The following SPATA31H1 variants were observed in gnomAD, a reference collection of about 807,000 sequenced individuals.
SPATA31H1 encodes SPATA31 subfamily H member 1, also known as spermatogenesis-associated protein 31H1.
the SPATA31H1 span, chr2:27,567,036 G>C: frequency 1.4e-6 from 1 of 717,390 alleles, no homozygotes; most frequent in Non-Finnish European, 2.6e-6. Context: ...TCAGCTCTCA[G>C]AGCCCCAGAA....
the SPATA31H1 span, among the ~76,000 whole-genome samples, chr2:27,540,504 G>A: frequency 7.7e-6 from 1 of 129,624 alleles, no homozygotes; most frequent in Non-Finnish European, 1.7e-5. Flanking sequence ...CCCGGACGGG[G>A]CGGCTGGCCG....
chr2:27,543,395 T>C, the SPATA31H1 span, among the ~76,000 whole-genome samples: 1 of 152,052 alleles, frequency 6.6e-6, no homozygotes, highest in Non-Finnish European at 1.5e-5. Flanking sequence ...AAATGTCTAC[T>C]TTTTCTTCTG....
At chr2:27,542,834 T>G in the SPATA31H1 span, among the ~76,000 whole-genome samples, 3 of 152,048 alleles carry the variant, frequency 2.0e-5, no homozygotes, top group Non-Finnish European at 4.4e-5. Flanking sequence ...TGGTGGCTCA[T>G]GCCTGTAATC....
chr2:27,573,967 A>T, the SPATA31H1 span: 5 of 398,426 alleles, frequency 1.3e-5, no homozygotes, highest in Non-Finnish European at 2.2e-5. Flanking sequence ...CAATGTGTCA[A>T]ATCTTCTAAG....
chr2:27,551,006 C>G, the SPATA31H1 span, among the ~76,000 whole-genome samples: 2 of 151,910 alleles, frequency 1.3e-5, no homozygotes, highest in African/African-American at 4.8e-5. Context: ...TGTCCTGCCT[C>G]AGCCTTTCTA....
At chr2:27,566,813 G>C in the SPATA31H1 span, 5 of 717,720 alleles carry the variant, frequency 7.0e-6, no homozygotes, top group Non-Finnish European at 1.3e-5. Flanking sequence ...TTGTGGCTCA[G>C]AAGACTGTTC....
At chr2:27,547,843 T>A in the SPATA31H1 span, among the ~76,000 whole-genome samples, 1 of 151,922 alleles carries the variant, frequency 6.6e-6, no homozygotes, top group Admixed American at 6.6e-5. Flanking sequence ...TCAACTCTCT[T>A]ACCTTATTAT....
chr2:27,577,980 C>A, the SPATA31H1 span: 1 of 1,614,028 alleles, frequency 6.2e-7, no homozygotes, highest in South Asian at 1.1e-5. The surrounding 1 kb of genome is among the most constrained non-coding windows in gnomAD (Gnocchi z 4.5). Context: ...ACCACTGGGT[C>A]GAATTGTAGA....
At chr2:27,572,861 A>G in the SPATA31H1 span, 4 of 398,144 alleles carry the variant, frequency 1.0e-5, no homozygotes, top group Non-Finnish European at 1.8e-5. Flanking sequence ...ACCTTGGGTC[A>G]CAGTTGCACT....
At chr2:27,537,671 G>C in the SPATA31H1 span, 2 of 654,270 alleles carry the variant, frequency 3.1e-6, no homozygotes, top group African/African-American at 1.8e-5. Flanking sequence ...GCAGGGAGAG[G>C]GGAGTTGAGA....
chr2:27,540,374 T>G, the SPATA31H1 span, among the ~76,000 whole-genome samples: 213 of 50,132 alleles, frequency 4.2e-3, no homozygotes, highest in African/African-American at 8.8e-3. Flanking sequence ...CCTCCCGGAC[T>G]GGGCGGCTGG....
At chr2:27,563,570 T>C in the SPATA31H1 span, among the ~76,000 whole-genome samples, 2 of 151,010 alleles carry the variant, frequency 1.3e-5, no homozygotes, top group Admixed American at 1.3e-4. Flanking sequence ...TAATTTTTTT[T>C]TTTTTTTGAG....
At chr2:27,556,861 C>G in the SPATA31H1 span, among the ~76,000 whole-genome samples, 3 of 104,896 alleles carry the variant, frequency 2.9e-5, no homozygotes, top group African/African-American at 1.2e-4. Context: ...CGGCCTTGGC[C>G]TTCCGCAGTG....
chr2:27,582,290 G>A, the SPATA31H1 span: 2 of 1,614,026 alleles, frequency 1.2e-6, no homozygotes, highest in South Asian at 1.1e-5. Flanking sequence ...GTTCCTGTGA[G>A]AGAACCCGTC....
the SPATA31H1 span, among the ~76,000 whole-genome samples, chr2:27,549,579 C>T: frequency 2.0e-5 from 3 of 151,648 alleles, no homozygotes; most frequent in African/African-American, 7.3e-5. Flanking sequence ...GAGACTTAGT[C>T]AGGTGGGATC....
At chr2:27,571,934 A>T in the SPATA31H1 span, 1 of 398,404 alleles carries the variant, frequency 2.5e-6, no homozygotes, top group Admixed American at 4.4e-5. Flanking sequence ...CTGTGGATTT[A>T]ACCCTTGAGC....
the SPATA31H1 span, chr2:27,580,112 G>GT: frequency 6.2e-7 from 1 of 1,614,126 alleles, no homozygotes; most frequent in East Asian, 2.2e-5. Context: ...AAATCTCAAA[G>GT]TATCGTGAAA....
chr2:27,545,025 A>T, the SPATA31H1 span, among the ~76,000 whole-genome samples: 13 of 146,756 alleles, frequency 8.9e-5, 1 homozygote, highest in South Asian at 6.5e-4. Flanking sequence ...AAAAAGTCAA[A>T]TTTTTTTTTT....
the SPATA31H1 span, among the ~76,000 whole-genome samples, chr2:27,552,119 C>A: frequency 1.3e-5 from 2 of 151,970 alleles, no homozygotes; most frequent in South Asian, 2.1e-4. Context: ...CAGCCCTAGA[C>A]TAGCTTTTGA....
Sources: gnomAD v4.1 joint callset for allele counts (sites outside exome capture counted in the v4.1 genomes callset) on GRCh38, gnomAD v4.1.1 for gene constraint, Gnocchi (gnomAD v3.1) non-coding constraint, MANE v1.5 for transcripts, NCBI Gene and HGNC (gene_info 2026-07-23, HGNC 2026-07-21) for gene names.